Variants in PLD5 observed in about 807,000 individuals in gnomAD.
The protein encoded by PLD5 is phospholipase D family member 5.
In PLD5, 36 loss-of-function variants were observed where a neutral mutation model predicts 61.1. That is an observed-to-expected ratio of 0.59 (90% CI 0.45 to 0.78). The LOEUF (loss-of-function observed/expected upper bound fraction) is 0.78, where lower values mean the gene tolerates loss of function less well. PLD5 is among the 30% of genes least tolerant of loss of function. The probability of loss-of-function intolerance (pLI) is 0.00; values close to 1 mark genes in which losing one functional copy is unlikely to be tolerated. For synonymous variants in PLD5, 243 were observed against 242.8 expected, an observed-to-expected ratio of 1.00 and a Z score of -0.01; for missense variants, 515 against 644.4, an observed-to-expected ratio of 0.80 and a Z score of 2.17.
chr1:242,525,114 C>T (rs1669410058), upstream of PLD5, among the ~76,000 whole-genome samples: 1 of 152,104 alleles, frequency 6.6e-6, no homozygotes, highest in African/African-American at 2.4e-5. Flanking sequence ...ACTAACTTCC[C>T]ACCCCAAGGG....
At chr1:242,230,120 T>C (rs1257728126) in intron 4 of PLD5, among the ~76,000 whole-genome samples, 1 of 152,142 alleles carries the variant, frequency 6.6e-6, no homozygotes, top group Non-Finnish European at 1.5e-5. Flanking sequence ...AGCAAAGAAT[T>C]ATTCAGCTCA....
At chr1:242,126,634 T>C (rs1300964857) in intron 5 of PLD5, among the ~76,000 whole-genome samples, 1 of 152,190 alleles carries the variant, frequency 6.6e-6, no homozygotes, top group African/African-American at 2.4e-5. Context: ...TGGATCCTTA[T>C]CTCTCACCTT....
chr1:242,383,327 T>C (rs890448007), intron 1 of PLD5, among the ~76,000 whole-genome samples: 1 of 152,174 alleles, frequency 6.6e-6, no homozygotes, highest in African/African-American at 2.4e-5. Flanking sequence ...GTTTCCTTTA[T>C]TAATTCAATT....
chr1:242,210,796 C>CA (rs1249515878), intron 5 of PLD5: 1 of 152,276 alleles, frequency 6.6e-6, no homozygotes, highest in Non-Finnish European at 1.5e-5. Flanking sequence ...AGCCTGCCTG[C>CA]ATCCAGGTGA....
In PLD5 at chr1:242,090,091, C is replaced by T; in HGVS notation, c.1374G>A (p.Gly458=). The change falls in exon 10 of 10, where the codon GGG becomes GGA. Residue 458 remains glycine, a synonymous_variant. Transcript: ENST00000536534. ...AAYIGNFDWV[G]NDFTQNAGTG... ...TGCCAGCATTCTGAGTGAAATCATT[C>T]CCTACCCAATCAAAATTTCCTGCAA... 6.2e-7 allele frequency: 1 copy of T among 1,613,956 alleles called. No individual in the cohort carries two copies. The highest frequency in any genetic ancestry group is 1.3e-5 in the African/African-American group (1 of 75,010).
At chr1:242,255,282 A>T (rs1574619179) in intron 4 of PLD5, among the ~76,000 whole-genome samples, 4 of 152,332 alleles carry the variant, frequency 2.6e-5, no homozygotes, top group African/African-American at 9.6e-5. Flanking sequence ...CTACCAAATT[A>T]TACTTATAAG....
chr1:242,300,679 C>T lies in PLD5; in HGVS notation c.327-12149G>A, dbSNP rs1336597165. 4.0e-5 allele frequency among the ~76,000 whole-genome samples: 6 copies of T among 151,552 alleles called. No homozygotes were observed. In the East Asian group the frequency reaches 1.2e-3, roughly 30 times the overall value. ...TGATGAAAAGACACAGTGGATTGGA[C>T]AGGGGTGGAACATGATCTGATTTAC... On this transcript the variant is annotated intron_variant, in intron 2 of 9. Transcript: ENST00000536534.
chr1:242,287,991 C>T lies in PLD5; in HGVS notation c.495+371G>A, dbSNP rs116728016. Among the ~76,000 whole-genome samples the T allele has an allele frequency of 3.6e-3, 552 of 152,238 alleles. 5 individuals carry two copies. The highest frequency in any genetic ancestry group is 0.012 in the African/African-American group (515 of 41,538). On this transcript the variant is annotated intron_variant, in intron 3 of 9. Coordinates refer to ENST00000536534, the MANE Select transcript of PLD5 (RefSeq NM_001372062.1). ...CAAATTAACCAAATAAATGCCTCAG[C>T]GAGCAGTTACAGAATTAGAACTGTA...
At chr1:242,448,385 A>G (rs917297346) in intron 1 of PLD5, among the ~76,000 whole-genome samples, 1 of 152,238 alleles carries the variant, frequency 6.6e-6, no homozygotes, top group African/African-American at 2.4e-5. Context: ...TATAAACAGA[A>G]AAATCATTTC....
intron 2 of PLD5, among the ~76,000 whole-genome samples, chr1:242,333,716 A>G (rs549009608): frequency 6.6e-6 from 1 of 152,064 alleles, no homozygotes; most frequent in South Asian, 2.1e-4. Context: ...GAGATCCACA[A>G]TTTTAGTTCC....
At chr1:242,383,812 T>A (rs1326903938) in intron 1 of PLD5, among the ~76,000 whole-genome samples, 1 of 152,218 alleles carries the variant, frequency 6.6e-6, no homozygotes, top group East Asian at 1.9e-4. Context: ...AGCTCTGGAC[T>A]GGCAGGACTT....
intron 2 of PLD5, among the ~76,000 whole-genome samples, chr1:242,297,380 C>T (rs181217838): frequency 7.0e-6 from 1 of 142,312 alleles, no homozygotes; most frequent in Admixed American, 7.3e-5. Flanking sequence ...AAGCTTCCCC[C>T]CTTTTCCTAT....
intron 1 of PLD5, among the ~76,000 whole-genome samples, chr1:242,463,670 C>T (rs1461800809): frequency 6.6e-6 from 1 of 152,086 alleles, no homozygotes; most frequent in East Asian, 1.9e-4. Flanking sequence ...CAAGAATGAA[C>T]TGGCCACACT....
intron 1 of PLD5, among the ~76,000 whole-genome samples, chr1:242,493,789 G>A (rs1668254189): frequency 6.6e-6 from 1 of 152,072 alleles, no homozygotes; most frequent in Admixed American, 6.6e-5. Context: ...GGCTCCATGG[G>A]GTCAGTCCCA....
At chr1:242,470,538 T>C (rs1174206142) in intron 1 of PLD5, among the ~76,000 whole-genome samples, 3 of 152,118 alleles carry the variant, frequency 2.0e-5, no homozygotes, top group Non-Finnish European at 2.9e-5. Context: ...AAACCAACCA[T>C]GCAATGTTAC....
intron 1 of PLD5, among the ~76,000 whole-genome samples, chr1:242,369,837 C>A (rs979764844): frequency 6.6e-6 from 1 of 152,128 alleles, no homozygotes; most frequent in Non-Finnish European, 1.5e-5. Context: ...ACCACCACCC[C>A]GGGTGGTCTG....
intron 1 of PLD5, among the ~76,000 whole-genome samples, chr1:242,418,850 T>C (rs1053848468): frequency 6.6e-6 from 1 of 152,212 alleles, no homozygotes; most frequent in Non-Finnish European, 1.5e-5. Flanking sequence ...GTCCAGAGAA[T>C]AGGTTTCCTT....
At chr1:242,322,412 A>T (rs990928479) in intron 2 of PLD5, among the ~76,000 whole-genome samples, 2 of 152,234 alleles carry the variant, frequency 1.3e-5, no homozygotes, top group African/African-American at 4.8e-5. Flanking sequence ...CGATTTAAAG[A>T]TGCCCACAGT....
chr1:242,210,211 G>T (rs1238669699), intron 5 of PLD5, among the ~76,000 whole-genome samples: 1 of 152,210 alleles, frequency 6.6e-6, no homozygotes, highest in East Asian at 1.9e-4. Flanking sequence ...AAAAGTTCTT[G>T]AAGAAAATTA....
Sources: allele counts gnomAD v4.1 joint callset (sites outside exome capture counted in the v4.1 genomes callset), GRCh38; gene constraint gnomAD v4.1.1; transcripts MANE v1.5; gene names NCBI Gene and HGNC (gene_info 2026-07-23, HGNC 2026-07-21).